The following CLCA1 variants were observed in gnomAD, a reference collection of about 807,000 sequenced individuals.
CLCA1 encodes the protein calcium-activated chloride channel regulator 1.
CLCA1 carries 59 observed loss-of-function variants against 85.6 expected under a neutral mutation model. That is an observed-to-expected ratio of 0.69 (90% confidence interval 0.56 to 0.86). The LOEUF is 0.86. Among genes scored for constraint, CLCA1 ranks in the 40% least tolerant of loss-of-function variants. CLCA1 has a pLI of 0.00. For synonymous variants in CLCA1, 396 were observed against 398.3 expected (o/e 0.99, Z 0.07); for missense variants, 1,022 against 1,101.4 (o/e 0.93, Z 1.02).
intron 7 of CLCA1, among the ~76,000 whole-genome samples, chr1:86,487,380 A>G (rs1006569150): frequency 3.3e-5 from 5 of 152,076 alleles, no homozygotes; most frequent in Admixed American, 6.6e-5. Context: ...GGTGGTGAAG[A>G]GAGAACCTCT....
intron 9 of CLCA1, among the ~76,000 whole-genome samples, chr1:86,492,446 GA>G (rs1648162068): frequency 6.6e-6 from 1 of 152,132 alleles, no homozygotes; most frequent in Non-Finnish European, 1.5e-5. Context: ...GAGAGAGAGA[GA>G]GATGGAGAAA....
intron 3 of CLCA1, among the ~76,000 whole-genome samples, chr1:86,474,479 G>A (rs535445397): frequency 6.6e-6 from 1 of 152,002 alleles, no homozygotes; most frequent in East Asian, 1.9e-4. Context: ...GCGTGAACCC[G>A]GGAGGCGGAG....
intron 4 of CLCA1, among the ~76,000 whole-genome samples, chr1:86,478,853 A>G (rs1647747295): frequency 6.6e-6 from 1 of 152,344 alleles, no homozygotes; most frequent in East Asian, 1.9e-4. Flanking sequence ...AATTATTTTT[A>G]AGGCTTAGAA....
intron 3 of CLCA1, among the ~76,000 whole-genome samples, chr1:86,475,493 G>A (rs1377643044): frequency 1.3e-5 from 2 of 152,170 alleles, no homozygotes; most frequent in Non-Finnish European, 2.9e-5. Flanking sequence ...CTGTCCTCAT[G>A]GAGACAATTT....
In CLCA1 at chr1:86,476,497, C is replaced by T. The variant is rs777256896; in HGVS notation, c.501C>T (p.Asp167=). 6.0e-5 allele frequency: 97 copies of T among 1,603,846 alleles called. No individual in the cohort carries two copies. In the Middle Eastern group the frequency reaches 1.2e-3, roughly 19 times the overall value. ...CTCATCTACGATGGGGAGTATTTGACGAGTACAATAATGATGAGAAATTCT... is the reference window on the plus strand; with the variant it reads ...CTCATCTACGATGGGGAGTATTTGATGAGTACAATAATGATGAGAAATTCT... ...EWAHLRWGVF[D]EYNNDEKFYL... is the part of the protein sequence containing the mutation. The change falls in exon 4 of 14, where the codon GAC becomes GAT. Residue 167 remains aspartate, a synonymous_variant. Transcript: ENST00000394711.
intron 12 of CLCA1, among the ~76,000 whole-genome samples, chr1:86,497,362 C>T (rs5744423): frequency 0.032 from 4,794 of 152,174 alleles, 271 homozygotes; most frequent in African/African-American, 0.11. Flanking sequence ...GAAGATTAAA[C>T]GGTCTTTAAC....
At chr1:86,487,309 G>A (rs1469883371) in intron 7 of CLCA1, among the ~76,000 whole-genome samples, 2 of 152,240 alleles carry the variant, frequency 1.3e-5, no homozygotes, top group Admixed American at 1.3e-4. Flanking sequence ...AATCACTGAT[G>A]TGCTGTACCA....
intron 9 of CLCA1, among the ~76,000 whole-genome samples, chr1:86,491,851 A>G (rs1157866883): frequency 6.6e-6 from 1 of 152,116 alleles, no homozygotes; most frequent in African/African-American, 2.4e-5. Flanking sequence ...GTGAGTCCAG[A>G]CCCCTGGATC....
At chr1:86,469,742 G>A (rs1045904418) in intron 1 of CLCA1, among the ~76,000 whole-genome samples, 1 of 152,154 alleles carries the variant, frequency 6.6e-6, no homozygotes, top group African/African-American at 2.4e-5. Context: ...ATTGAAGAAG[G>A]TCTTGTACAA....
At position 86,498,698 on chromosome 1, in the gene CLCA1, T is replaced by A. The variant is rs1178954344; in HGVS notation, c.2240T>A (p.Ile747Lys). ...FVASDVPNAP[I>K]PDLFPPGQIT... ...GCTTCTGATGTCCCAAATGCTCCCA[T>A]ACCTGATCTCTTCCCACCTGGCCAA... The change falls in exon 13 of 14, where the codon ATA becomes AAA. Residue 747 changes from isoleucine (I) to lysine (K), a missense_variant. By Grantham distance (102) the Ile-to-Lys change is moderately radical (BLOSUM62 -3). Transcript: ENST00000394711. The A allele has an allele frequency of 6.2e-7, 1 of 1,614,138 alleles. No individual in the cohort carries two copies. Among genetic ancestry groups the A allele is most frequent in the South Asian group, 1.1e-5 (1 of 91,074 alleles).
chr1:86,475,177 T>C (rs1295494085), intron 3 of CLCA1, among the ~76,000 whole-genome samples: 1 of 152,200 alleles, frequency 6.6e-6, no homozygotes, highest in Non-Finnish European at 1.5e-5. Flanking sequence ...CATGATCATA[T>C]ATAAAACCAT....
chr1:86,481,261 C>A (rs770856870), intron 4 of CLCA1, among the ~76,000 whole-genome samples: 1 of 152,006 alleles, frequency 6.6e-6, no homozygotes, highest in East Asian at 1.9e-4. Flanking sequence ...CTTAGCTTCC[C>A]GAGTAGCTGG....
rs1429570110 is a variant in CLCA1, at chr1:86,473,895, T to C, written c.451+19T>C. 6.4e-7 allele frequency: 1 copy of C among 1,560,256 alleles called. No homozygotes were observed. Among genetic ancestry groups the C allele is most frequent in the East Asian group, 2.3e-5 (1 of 44,330 alleles). The stretch of plus-strand genomic sequence containing the variant: ...CCACAAGGTATGAAATATTCTACCA[T>C]ACTTCTCATACAATTTAACTATTTT... On this transcript the variant is annotated intron_variant, in intron 3 of 13. Transcript: ENST00000394711.
At chr1:86,474,878 C>G (rs572445642) in intron 3 of CLCA1, among the ~76,000 whole-genome samples, 1 of 152,198 alleles carries the variant, frequency 6.6e-6, no homozygotes, top group East Asian at 1.9e-4. Flanking sequence ...CATTAGATTT[C>G]TTTACCTCAA....
chr1:86,471,649 G>C (rs1427788482), intron 1 of CLCA1, among the ~76,000 whole-genome samples: 1 of 151,980 alleles, frequency 6.6e-6, no homozygotes. Flanking sequence ...GGTGATCTTG[G>C]CTCATTTTTT....
At chr1:86,498,333 A>G (rs867406751) in intron 12 of CLCA1, among the ~76,000 whole-genome samples, 1 of 152,190 alleles carries the variant, frequency 6.6e-6, no homozygotes, top group African/African-American at 2.4e-5. Flanking sequence ...TTATTCCACT[A>G]AATATCCAGG....
At chr1:86,471,101 G>A (rs1190079225) in intron 1 of CLCA1, among the ~76,000 whole-genome samples, 1 of 151,956 alleles carries the variant, frequency 6.6e-6, no homozygotes, top group African/African-American at 2.4e-5. Context: ...AAGCTCGTGT[G>A]CACACACACA....
At chr1:86,475,405 G>A (rs541927764) in intron 3 of CLCA1, among the ~76,000 whole-genome samples, 19 of 152,282 alleles carry the variant, frequency 1.2e-4, no homozygotes, top group Non-Finnish European at 2.6e-4. Flanking sequence ...ATTCACTCAA[G>A]TTTAACAAAT....
At chr1:86,499,092 G>A (rs1462148302) in intron 13 of CLCA1, among the ~76,000 whole-genome samples, 2 of 152,172 alleles carry the variant, frequency 1.3e-5, no homozygotes, top group African/African-American at 2.4e-5. Context: ...CCATTTTCTG[G>A]GTAGCAGTGA....
Sources: allele counts gnomAD v4.1 joint callset (sites outside exome capture counted in the v4.1 genomes callset), GRCh38; gene constraint gnomAD v4.1.1; transcripts MANE v1.5; gene names NCBI Gene and HGNC (gene_info 2026-07-23, HGNC 2026-07-21).